CD8B2: variants seen among roughly 807,000 people sequenced by gnomAD.
CD8B2 encodes T-cell surface glycoprotein CD8 beta-2 chain.
Under a neutral mutation model 23.7 loss-of-function variants are expected in CD8B2, and 11 were observed. The observed-to-expected ratio is 0.46, with a 90% CI of 0.29 to 0.77. The LOEUF (loss-of-function observed/expected upper bound fraction) is 0.77, where lower values mean the gene tolerates loss of function less well. CD8B2 is among the 30% of genes least tolerant of loss of function. The pLI is 0.09. For synonymous variants in CD8B2, 90 were observed against 109.3 expected (o/e 0.82, Z 1.10); for missense variants, 197 against 270.5 (o/e 0.73, Z 1.91).
At chr2:106,496,676 T>C (rs1679305582) in intron 3 of CD8B2, among the ~76,000 whole-genome samples, 1 of 151,984 alleles carries the variant, frequency 6.6e-6, no homozygotes. Flanking sequence ...CCATATACTA[T>C]ATGATTCCAT....
downstream of CD8B2, among the ~76,000 whole-genome samples, chr2:106,512,328 C>T (rs1467821929): frequency 1.3e-5 from 2 of 152,248 alleles, no homozygotes; most frequent in East Asian, 1.9e-4. Flanking sequence ...CCATCCGCCT[C>T]GGCCTCCCAA....
At chr2:106,504,773 C>T (rs534510248) in intron 5 of CD8B2, among the ~76,000 whole-genome samples, 59 of 152,238 alleles carry the variant, frequency 3.9e-4, no homozygotes, top group African/African-American at 1.3e-3. Context: ...TCATCCCATC[C>T]GTTATTTCAT....
chr2:106,534,276 C>T (rs1046998786), intron 5 of CD8B2, among the ~76,000 whole-genome samples: 1 of 152,002 alleles, frequency 6.6e-6, no homozygotes, highest in African/African-American at 2.4e-5. Context: ...AAGGAAGAGG[C>T]GGGGAGAGAG....
chr2:106,497,081 G>A (rs1221917690), intron 3 of CD8B2, among the ~76,000 whole-genome samples: 1 of 152,178 alleles, frequency 6.6e-6, no homozygotes, highest in Non-Finnish European at 1.5e-5. Flanking sequence ...TTAGAGACCA[G>A]CCTGGGCAAC....
intron 5 of CD8B2, among the ~76,000 whole-genome samples, chr2:106,531,378 C>T (rs985906745): frequency 5.3e-5 from 8 of 152,166 alleles, no homozygotes; most frequent in African/African-American, 1.9e-4. Flanking sequence ...AATCCAATTG[C>T]CCCAAATTCT....
At chr2:106,539,736 C>T (rs148456621) in intron 5 of CD8B2, among the ~76,000 whole-genome samples, 79 of 152,240 alleles carry the variant, frequency 5.2e-4, no homozygotes, top group Middle Eastern at 3.4e-3. Context: ...AATTTCTTGA[C>T]GGATACACGG....
chr2:106,532,206 C>A (rs1679997362), intron 5 of CD8B2, among the ~76,000 whole-genome samples: 2 of 152,202 alleles, frequency 1.3e-5, no homozygotes, highest in South Asian at 4.1e-4. Flanking sequence ...TTAGTAGAAT[C>A]CCATTACGAC....
chr2:106,494,986 C>T (rs534189537), intron 2 of CD8B2, among the ~76,000 whole-genome samples: 5 of 152,288 alleles, frequency 3.3e-5, no homozygotes, highest in African/African-American at 9.6e-5. Flanking sequence ...CATGAGCTTC[C>T]TCCATGTGCT....
intron 5 of CD8B2, among the ~76,000 whole-genome samples, 172 bp downstream of exon 5, chr2:106,504,497 G>A (rs1679469088): frequency 6.6e-6 from 1 of 152,026 alleles, no homozygotes. Flanking sequence ...GAAGCAGGAG[G>A]ATCACTTGAG....
chr2:106,533,940 A>G (rs1461326268), intron 5 of CD8B2, among the ~76,000 whole-genome samples: 3 of 152,236 alleles, frequency 2.0e-5, no homozygotes, highest in Non-Finnish European at 2.9e-5. Flanking sequence ...GGGATCCATC[A>G]TTAAGAATGT....
Position 106,487,454 on chromosome 2 carries a change from G to C in CD8B2, c.28G>C (p.Ala10Pro). 2 of 1,248,832 alleles carry C rather than the reference G, an allele frequency of 1.6e-6. No homozygotes were observed. The highest frequency in any genetic ancestry group is 2.0e-6 in the Non-Finnish European group (2 of 998,322). 77.4% of individuals were successfully genotyped at this position (1,248,832 alleles called of 1,614,324 possible). The change falls in exon 1 of 6, where the codon GCC becomes CCC. Residue 10 changes from alanine (A) to proline (P), a missense_variant. By Grantham distance (27) the Ala-to-Pro change is conservative (BLOSUM62 -1). Around this residue, in one of 3 missense-constraint regions of CD8B2, gnomAD observed 140 missense variants for 164.2 expected, o/e 0.85. Transcript: ENST00000643224. ...GCGGCCGCGGCTGTGGCTCCTCCTG[G>C]CCGCGCAGCTGACAGGTAAGGCGGC... is the stretch of plus-strand genomic sequence containing the variant. MRPRLWLLL[A>P]AQLTVLHGNS...
rs1679517848 is a variant in CD8B2, at chr2:106,506,917, G to A, written c.621-11G>A. 3 of 1,582,864 alleles carry A rather than the reference G, an allele frequency of 1.9e-6. No homozygotes were observed. The highest frequency in any genetic ancestry group is 4.5e-5 in the East Asian group (2 of 44,598). ...AAAATAAGTGGTTTCACAACTTGCT[G>A]TTGTTTTCAGATTTTACAAATGAGC... On this transcript the variant is annotated splice_polypyrimidine_tract_variant and intron_variant, in intron 5 of 5. Transcript: ENST00000643224.
intron 5 of CD8B2, 89 bp downstream of exon 5, chr2:106,504,414 C>A (rs1290416975): frequency 6.5e-7 from 1 of 1,547,506 alleles, no homozygotes; most frequent in Non-Finnish European, 8.7e-7. Context: ...CAAAGTCAGA[C>A]CTCATCTTCC....
chr2:106,496,227 G>A lies in CD8B2; in HGVS notation c.458G>A (p.Arg153Lys). ...QPTKKSTLKK[R>K]VCRLPRPETQ... ...ACCAAGAAGTCCACCCTCAAGAAGA[G>A]AGTGTGCCGGTTACCCAGGCCAGAG... The change falls in exon 3 of 6, where the codon AGA (arginine) becomes AAA (lysine). Residue 153 changes from arginine (R) to lysine (K), a missense_variant. By Grantham distance (26) the Arg-to-Lys change is conservative. This residue lies in a region of CD8B2 where 35 missense variants were observed against 82.9 expected (regional missense o/e 0.42). Coordinates refer to ENST00000643224, the MANE Select transcript of CD8B2 (RefSeq NM_001349727.2). 2.6e-6 allele frequency: 4 copies of A among 1,541,412 alleles called. No individual in the cohort carries two copies. The highest frequency in any genetic ancestry group is 3.5e-6 in the Non-Finnish European group (4 of 1,142,516).
At chr2:106,529,571 A>G (rs998099548) in intron 5 of CD8B2, among the ~76,000 whole-genome samples, 5 of 152,180 alleles carry the variant, frequency 3.3e-5, no homozygotes, top group Non-Finnish European at 7.3e-5. Flanking sequence ...CTACTTCTTT[A>G]ATGCTTCTTA....
At chr2:106,506,001 C>A (rs1679497933) in intron 5 of CD8B2, among the ~76,000 whole-genome samples, 1 of 152,056 alleles carries the variant, frequency 6.6e-6, no homozygotes, top group Non-Finnish European at 1.5e-5. Flanking sequence ...GGCGTGGTGG[C>A]GGGCGCCTAT....
chr2:106,491,097 G>A lies in CD8B2; in HGVS notation c.267G>A (p.Lys89=). The part of the protein sequence containing the change: ...TIHGEEVEQE[K]IAVFRDASRF... The stretch of plus-strand genomic sequence containing the variant: ...ACGGTGAAGAGGTGGAACAGGAGAA[G>A]ATAGCTGTGTTTCGGGATGCAAGCC... The change falls in exon 2 of 6, where the codon AAG becomes AAA. Residue 89 remains lysine, a synonymous_variant. Transcript: ENST00000643224. 1.2e-6 allele frequency: 2 copies of A among 1,613,960 alleles called. No homozygotes were observed. Among genetic ancestry groups the A allele is most frequent in the Non-Finnish European group, 1.7e-6 (2 of 1,179,814 alleles).
chr2:106,500,409 C>T (rs1679382350), intron 3 of CD8B2, among the ~76,000 whole-genome samples: 1 of 147,806 alleles, frequency 6.8e-6, no homozygotes, highest in Non-Finnish European at 1.5e-5. Context: ...ATCCCAGCTA[C>T]TAAGGAGGCT....
intron 3 of CD8B2, among the ~76,000 whole-genome samples, chr2:106,500,727 C>A (rs1679390199): frequency 6.6e-6 from 1 of 152,072 alleles, no homozygotes; most frequent in African/African-American, 2.4e-5. Context: ...CCCTTTCACC[C>A]ATGGGCCCTG....
Sources: allele counts gnomAD v4.1 joint callset (sites outside exome capture counted in the v4.1 genomes callset), GRCh38; gene constraint gnomAD v4.1.1; regional missense constraint gnomAD v4.1.1; transcripts MANE v1.5; gene names NCBI Gene and HGNC (gene_info 2026-07-23, HGNC 2026-07-21).